Variants in TENM4 observed in about 807,000 individuals in gnomAD.
TENM4 encodes the protein teneurin transmembrane protein 4, also known as teneurin-4.
Under a neutral mutation model 243.3 loss-of-function variants are expected in TENM4, and 82 were observed. That is an observed-to-expected ratio of 0.34 (90% confidence interval 0.28 to 0.40). The LOEUF (loss-of-function observed/expected upper bound fraction) is 0.40. Among genes scored for constraint, TENM4 ranks in the 10% least tolerant of loss-of-function variants. TENM4 has a pLI of 1.00. For missense variants in TENM4, 3,138 were observed against 3,673.3 expected, an observed-to-expected ratio of 0.85 and a Z score of 3.77; for synonymous variants, 1,412 against 1,456.3, an observed-to-expected ratio of 0.97 and a Z score of 0.69.
At position 78,654,325 on chromosome 11, in the gene TENM4, C is replaced by T. The variant is rs1252511524; in HGVS notation, c.*3733G>A. On this transcript the variant is annotated 3_prime_UTR_variant, in exon 34 of 34. Transcript: ENST00000278550. ...AAGCTCATTCCTCCTGGGCAGAAAGCTCAGCATCACCGCCCTCACCACATG... is the reference window on the plus strand; with the variant it reads ...AAGCTCATTCCTCCTGGGCAGAAAGTTCAGCATCACCGCCCTCACCACATG... 1 of 152,184 alleles carries T rather than the reference C, an allele frequency of 6.6e-6. No homozygotes were observed. The highest frequency in any genetic ancestry group is 2.4e-5 in the African/African-American group (1 of 41,444). The allele number at this position is 152,184 out of a possible 1,614,324, so 9.4% of individuals were successfully genotyped here.
intron 4 of TENM4, among the ~76,000 whole-genome samples, chr11:79,105,138 A>G (rs1161796922): frequency 6.6e-6 from 1 of 152,232 alleles, no homozygotes; most frequent in East Asian, 1.9e-4. Context: ...CCCCAATTTC[A>G]GTTCGAAAGG....
chr11:78,787,246 C>G (rs548618726), intron 15 of TENM4, among the ~76,000 whole-genome samples, 163 bp from the exon 16 acceptor site: 1 of 152,354 alleles, frequency 6.6e-6, no homozygotes, highest in South Asian at 2.1e-4. Flanking sequence ...TGTGACAGAT[C>G]AGGATTCCAG....
intron 15 of TENM4, among the ~76,000 whole-genome samples, chr11:78,799,221 G>A (rs534039): frequency 0.29 from 44,642 of 152,030 alleles, 10,135 homozygotes; most frequent in African/African-American, 0.63. Context: ...TAATGTGTCA[G>A]CTTTTATCTG....
chr11:78,978,850 C>G (rs1223199767), intron 6 of TENM4, among the ~76,000 whole-genome samples: 1 of 151,994 alleles, frequency 6.6e-6, no homozygotes, highest in African/African-American at 2.4e-5. Context: ...CTGCTGCTAA[C>G]AAAACAGGGT....
chr11:78,891,165 C>T, intron 8 of TENM4, 73 bp downstream of exon 8: 2 of 1,407,594 alleles, frequency 1.4e-6, no homozygotes, highest in Admixed American at 4.0e-5. Flanking sequence ...AGGGAAAGGT[C>T]TCAGGGTCTG....
intron 1 of TENM4, among the ~76,000 whole-genome samples, chr11:79,415,584 C>T (rs1278965256): frequency 6.6e-6 from 1 of 152,130 alleles, no homozygotes; most frequent in African/African-American, 2.4e-5. Context: ...AAGTAGCTTG[C>T]CCAAGGTGAC....
At chr11:78,877,473 T>G (rs1859296951) in intron 9 of TENM4, among the ~76,000 whole-genome samples, 1 of 152,220 alleles carries the variant, frequency 6.6e-6, no homozygotes, top group Non-Finnish European at 1.5e-5. Context: ...TCACAGTAAT[T>G]AGTCTGGAAT....
At chr11:79,112,053 C>G (rs1473795598) in intron 4 of TENM4, among the ~76,000 whole-genome samples, 1 of 152,138 alleles carries the variant, frequency 6.6e-6, no homozygotes, top group East Asian at 1.9e-4. Flanking sequence ...CTGCAGAAGT[C>G]AGCTGGAAGC....
chr11:78,703,894 C>T (rs911424520), intron 27 of TENM4, among the ~76,000 whole-genome samples: 6 of 151,118 alleles, frequency 4.0e-5, no homozygotes, highest in Admixed American at 6.6e-5. Context: ...CTCTGTCACC[C>T]GGGCTGGAGT....
At chr11:78,712,389 A>C in intron 26 of TENM4, 93 bp downstream of exon 26, 1 of 1,297,328 alleles carries the variant, frequency 7.7e-7, no homozygotes, top group Non-Finnish European at 1.1e-6. Context: ...GGTATTTTCC[A>C]AAAATTTTTG....
At chr11:79,419,419 C>T (rs112708721) in intron 1 of TENM4, among the ~76,000 whole-genome samples, 1 of 152,286 alleles carries the variant, frequency 6.6e-6, no homozygotes, top group African/African-American at 2.4e-5. Context: ...CCCTTAGCAC[C>T]CACGGCACGG....
rs1251027568 is a variant in TENM4, at chr11:79,320,477, T to C, written c.-320-22934A>G. ...TTACATAAATGATGTGACAGGTGAG[T>C]TATTTCTAGTCCTCACGAGCAGCTC... On this transcript the variant is annotated intron_variant, in intron 1 of 33. Coordinates refer to ENST00000278550, the MANE Select transcript of TENM4 (RefSeq NM_001098816.3). Among the ~76,000 whole-genome samples the C allele has an allele frequency of 2.0e-5, 3 of 152,078 alleles. No homozygotes were observed. The South Asian group carries it at 6.2e-4, about 32-fold the overall frequency.
In TENM4 at chr11:79,381,332, G is replaced by GA. The variant is rs113767852; in HGVS notation, c.-321+59176dup. ...TATGTCCCACAGCTCAAATGGCCTG[G>GA]AAAAAAAAAAAAAATCCAGGAGGAA... is the stretch of plus-strand genomic sequence containing the variant. On this transcript the variant is annotated intron_variant, in intron 1 of 33. Coordinates refer to ENST00000278550, the MANE Select transcript of TENM4 (RefSeq NM_001098816.3). Among the ~76,000 whole-genome samples the GA allele has an allele frequency of 1.1e-3, 160 of 143,606 alleles. 1 individual carries two copies. Among genetic ancestry groups the GA allele is most frequent in the East Asian group, 4.5e-3 (22 of 4,906 alleles). The allele number at this position is 143,606 out of a possible 152,430, so 94.2% of individuals were successfully genotyped here.
At chr11:79,402,291 T>C (rs1407690565) in intron 1 of TENM4, among the ~76,000 whole-genome samples, 3 of 152,146 alleles carry the variant, frequency 2.0e-5, no homozygotes, top group African/African-American at 4.8e-5. Context: ...GAAATGACAA[T>C]GACAACATAT....
In TENM4 at chr11:78,996,539, T is replaced by C. The variant is rs1188572588; in HGVS notation, c.493+68199A>G. Among the ~76,000 whole-genome samples the C allele has an allele frequency of 3.3e-5, 5 of 152,228 alleles. No homozygotes were observed. In the South Asian group the frequency reaches 6.2e-4, roughly 19 times the overall value. On this transcript the variant is annotated intron_variant, in intron 6 of 33. Coordinates refer to ENST00000278550, the MANE Select transcript of TENM4 (RefSeq NM_001098816.3). ...GAAAAATAACACATGGTTGTTATTT[T>C]AAGCCTTTAAGTTTTAGGATAGTTT...
chr11:78,720,486 T>C, intron 24 of TENM4, 96 bp from the exon 25 acceptor site: 1 of 1,244,612 alleles, frequency 8.0e-7, no homozygotes. Flanking sequence ...TTGACAGCAA[T>C]GGTACTATAC....
At chr11:79,375,300 A>C (rs1857869848) in intron 1 of TENM4, among the ~76,000 whole-genome samples, 1 of 152,230 alleles carries the variant, frequency 6.6e-6, no homozygotes, top group Non-Finnish European at 1.5e-5. Flanking sequence ...TCTTATTTAA[A>C]AAATTTGGAA....
chr11:79,112,759 GT>G lies in TENM4; in HGVS notation c.-66+35950del, dbSNP rs370272031. 5.7e-3 allele frequency among the ~76,000 whole-genome samples: 864 copies of G among 152,208 alleles called. 11 individuals carry two copies. The highest frequency in any genetic ancestry group is 0.02 in the African/African-American group (817 of 41,520). The stretch of plus-strand genomic sequence containing the variant: ...ATCTAGCCAGGCTGGACTCCCTGCT[GT>G]TCCACTTTCCTTCTCCAAGGATCCC... On this transcript the variant is annotated intron_variant, in intron 4 of 33. Coordinates refer to ENST00000278550, the MANE Select transcript of TENM4 (RefSeq NM_001098816.3).
chr11:78,712,555 C>T lies in TENM4; in HGVS notation c.3981G>A (p.Gln1327=). The T allele has an allele frequency of 1.2e-6, 2 of 1,614,004 alleles. No individual in the cohort carries two copies. The highest frequency in any genetic ancestry group is 1.7e-6 in the Non-Finnish European group (2 of 1,179,906). ...NSEVVAGTGD[Q]CLPFDDTRCG... ...AGCGAGTGTCATCAAAGGGGAGGCA[C>T]TGGTCACCTGTCCCCGCAACCACCT... The change falls in exon 26 of 34, where the codon CAG becomes CAA. Residue 1327 remains glutamine, a synonymous_variant. Transcript: ENST00000278550.
Sources: gnomAD v4.1 joint callset for allele counts (sites outside exome capture counted in the v4.1 genomes callset) on GRCh38, gnomAD v4.1.1 for gene constraint, MANE v1.5 for transcripts, NCBI Gene and HGNC (gene_info 2026-07-23, HGNC 2026-07-21) for gene names.